FCHSD1: variants seen among roughly 807,000 people sequenced by gnomAD.
FCHSD1 encodes F-BAR and double SH3 domains protein 1.
Under a neutral mutation model 101.3 loss-of-function variants are expected in FCHSD1, and 109 were observed. The observed-to-expected ratio is 1.08, with a 90% confidence interval of 0.92 to 1.26. The LOEUF is 1.26. Among genes scored for constraint, FCHSD1 ranks in the 50% most tolerant of loss-of-function variants. FCHSD1 has a pLI of 0.00. For synonymous variants in FCHSD1, 291 were observed against 356.8 expected (o/e 0.82, Z 2.08); for missense variants, 820 against 895.8 (o/e 0.92, Z 1.08).
Position 141,645,088 on chromosome 5 carries a change from CCT to C in FCHSD1, c.1370_1371del (p.Glu457GlyfsTer27). ...EECEETGELFEEPAPQALATR... is the reference protein window; with the variant it reads ...EECEETGELFXEPAPQALATR... ...GTGGCCAGGGCTTGGGGGGCAGGCTCCTCAAAGAGCTCTCCCGTCTCCTCACA... is the reference window on the plus strand; with the variant it reads ...GTGGCCAGGGCTTGGGGGGCAGGCTCCAAAGAGCTCTCCCGTCTCCTCACA... On this transcript the variant is annotated frameshift_variant, in exon 14 of 20. Transcript: ENST00000435817. LOFTEE classifies it high-confidence loss of function. The C allele has an allele frequency of 6.3e-7, 1 of 1,586,566 alleles. No individual in the cohort carries two copies. The highest frequency in any genetic ancestry group is 2.2e-5 in the East Asian group (1 of 44,642).
chr5:141,644,319 A>G lies in FCHSD1; in HGVS notation c.1762T>C (p.Trp588Arg), dbSNP rs2099907386. ...RAQDGVDDGF[W>R]RGEFGGRVGV... ...ACACGGCCCCCAAATTCTCCCCTCC[A>G]GAAGCCGTCATCTACTCCATCTTGG... Residue 588 changes from tryptophan to arginine, a missense_variant, in exon 17 of 20, where the codon TGG (tryptophan) becomes CGG (arginine). Trp to Arg is a moderately radical substitution (Grantham distance 101). Transcript: ENST00000435817. 3 of 1,613,910 alleles carry G rather than the reference A, an allele frequency of 1.9e-6. No homozygotes were observed. The highest frequency in any genetic ancestry group is 1.7e-6 in the Non-Finnish European group (2 of 1,179,850).
chr5:141,647,927 C>G (rs187589029), intron 8 of FCHSD1, 41 bp downstream of exon 8: 1 of 1,602,378 alleles, frequency 6.2e-7, no homozygotes, highest in Non-Finnish European at 8.5e-7. Context: ...TCCTCCTTTC[C>G]CTCCCTGCTG....
chr5:141,649,550 G>A lies in FCHSD1; in HGVS notation c.234-14C>T. 7 of 1,608,642 alleles carry A rather than the reference G, an allele frequency of 4.4e-6. No homozygotes were observed. The highest frequency in any genetic ancestry group is 5.9e-6 in the Non-Finnish European group (7 of 1,178,344). On this transcript the variant is annotated splice_polypyrimidine_tract_variant and intron_variant, in intron 4 of 19. Transcript: ENST00000435817. The surrounding 1 kb of genome is among the most constrained non-coding windows in gnomAD (Gnocchi z 4.1). ...ACTGTCCTGCCCCTCCCCAGAGAAG[G>A]TCTGTGTTGAGGAGGAGAGCACTCC...
chr5:141,649,471 C>T lies in FCHSD1; in HGVS notation c.299G>A (p.Arg100Gln), dbSNP rs762942642. 50 of 1,613,776 alleles carry T rather than the reference C, an allele frequency of 3.1e-5. No homozygotes were observed. Among genetic ancestry groups the T allele is most frequent in the Middle Eastern group, 1.6e-4 (1 of 6,084 alleles). Residue 100 changes from arginine (R) to glutamine (Q), a missense_variant, in exon 5 of 20, where the codon CGA (arginine) becomes CAA (glutamine). By Grantham distance (43) the Arg-to-Gln change is conservative. Transcript: ENST00000435817. This position sits in a 1 kb window ranked among gnomAD's most constrained non-coding sequence, Gnocchi z 4.1. ...LDATVAGGQT[R>Q]LQASDRYRDL... is the part of the protein sequence containing the mutation. ...ACGGTATCGGTCAGACGCCTGGAGT[C>T]GGGTTTGGCCCCCAGCCACGGTGGC...
Position 141,644,845 on chromosome 5 carries a change from G to A in FCHSD1, c.1524+14C>T. 1 of 1,612,842 alleles carries A rather than the reference G, an allele frequency of 6.2e-7. No homozygotes were observed. Among genetic ancestry groups the A allele is most frequent in the Non-Finnish European group, 8.5e-7 (1 of 1,179,556 alleles). On this transcript the variant is annotated intron_variant, in intron 15 of 19. Coordinates refer to ENST00000435817, the MANE Select transcript of FCHSD1 (RefSeq NM_033449.3). Reference sequence around the variant, plus strand: ...CCCCCAACCCAAGGTCAGAGCCCGGGGTCCCATACCCACCTTGACCCATTC... The same window carrying A: ...CCCCCAACCCAAGGTCAGAGCCCGGAGTCCCATACCCACCTTGACCCATTC...
At chr5:141,647,784 T>A in intron 8 of FCHSD1, 184 bp downstream of exon 8, 2 of 1,011,582 alleles carry the variant, frequency 2.0e-6, no homozygotes, top group Non-Finnish European at 1.4e-6. Context: ...CGGAAGAGTT[T>A]AAGTGTACTG....
intron 15 of FCHSD1, 41 bp downstream of exon 15, chr5:141,644,818 T>G (rs1596461941): frequency 1.9e-6 from 3 of 1,608,758 alleles, no homozygotes; most frequent in African/African-American, 1.3e-5. Flanking sequence ...TCCCTCCTAC[T>G]GCCCCCAACC....
chr5:141,640,356 G>C lies in FCHSD1; in HGVS notation c.*1142C>G, dbSNP rs1283381100. 5 of 1,614,086 alleles carry C rather than the reference G, an allele frequency of 3.1e-6. No homozygotes were observed. Among genetic ancestry groups the C allele is most frequent in the Admixed American group, 1.7e-5 (1 of 60,024 alleles). Reference sequence around the variant, plus strand: ...CTCTTATTGCTCTCTACTCTGGGGGGCACTGATAGGACCTACTCCTGGTCT... The same window carrying C: ...CTCTTATTGCTCTCTACTCTGGGGGCCACTGATAGGACCTACTCCTGGTCT... On this transcript the variant is annotated 3_prime_UTR_variant, in exon 20 of 20. Coordinates refer to ENST00000435817, the MANE Select transcript of FCHSD1 (RefSeq NM_033449.3).
At chr5:141,648,188 C>A in intron 7 of FCHSD1, 92 bp from the exon 8 acceptor site, 8 of 1,451,606 alleles carry the variant, frequency 5.5e-6, no homozygotes, top group Non-Finnish European at 6.5e-6. Context: ...TGGATTCTCA[C>A]ATTATTGAGT....
chr5:141,640,947 G>A lies in FCHSD1; in HGVS notation c.*551C>T. 2.0e-6 allele frequency: 1 copy of A among 507,236 alleles called. No homozygotes were observed. Among genetic ancestry groups the A allele is most frequent in the Non-Finnish European group, 3.5e-6 (1 of 287,974 alleles). The allele number at this position is 507,236 out of a possible 1,614,324, so 31.4% of individuals were successfully genotyped here. A position where few individuals can be genotyped will look rare whatever the true frequency, so the allele number is the denominator to read the frequency against. ...CAGCTGGGAGCAGGCCCCTGCCCGTGGTGGGCCCCTAAAGCAATAGCACCG... is the reference window on the plus strand; with the variant it reads ...CAGCTGGGAGCAGGCCCCTGCCCGTAGTGGGCCCCTAAAGCAATAGCACCG... On this transcript the variant is annotated 3_prime_UTR_variant, in exon 20 of 20. Transcript: ENST00000435817.
intron 10 of FCHSD1, among the ~76,000 whole-genome samples, 170 bp downstream of exon 10, chr5:141,646,965 G>C (rs992940452): frequency 1.3e-5 from 2 of 152,212 alleles, no homozygotes; most frequent in African/African-American, 4.8e-5. Flanking sequence ...GGTGGACTGA[G>C]GTGTGTTTTT....
chr5:141,640,837 C>A lies in FCHSD1; in HGVS notation c.*661G>T. On this transcript the variant is annotated 3_prime_UTR_variant, in exon 20 of 20. Coordinates refer to ENST00000435817, the MANE Select transcript of FCHSD1 (RefSeq NM_033449.3). ...TGGGGGCCTCAGGAGAGGTCACAGC[C>A]CCTCAGTCTCTTCTCCTTCCCCTGC... The A allele has an allele frequency of 1.6e-6, 1 of 640,296 alleles. No homozygotes were observed. The highest frequency in any genetic ancestry group is 2.7e-6 in the Non-Finnish European group (1 of 376,748). The allele number at this position is 640,296 out of a possible 1,614,324, so 39.7% of individuals were successfully genotyped here.
At position 141,644,576 on chromosome 5, in the gene FCHSD1, T is replaced by A. The variant is rs776530685; in HGVS notation, c.1639A>T (p.Thr547Ser). ...ACCCAAAATTTCCCTTTCTTACCTG[T>A]GGGCTCTGCCCCGCAGGGATTGTCA... ...DSDNPCGAEP[T>S]AFLAQALYSY... The change falls in exon 16 of 20, where the codon ACA becomes TCA. Residue 547 changes from threonine to serine, a missense_variant. Coordinates refer to ENST00000435817, the MANE Select transcript of FCHSD1 (RefSeq NM_033449.3). The A allele has an allele frequency of 6.2e-7, 1 of 1,613,846 alleles. No homozygotes were observed. Among genetic ancestry groups the A allele is most frequent in the Non-Finnish European group, 8.5e-7 (1 of 1,179,792 alleles).
intron 17 of FCHSD1, 131 bp from the exon 18 acceptor site, chr5:141,643,219 T>TG (rs10699129): frequency 7.1e-5 from 40 of 565,640 alleles, no homozygotes; most frequent in Middle Eastern, 5.0e-4. Context: ...TTGCATTCGG[T>TG]GGGGGGGTGT....
chr5:141,648,805 G>T (rs1279053248), intron 7 of FCHSD1, among the ~76,000 whole-genome samples, 152 bp downstream of exon 7: 1 of 152,092 alleles, frequency 6.6e-6, no homozygotes, highest in Non-Finnish European at 1.5e-5. Flanking sequence ...AAGGCTCACA[G>T]AGATCAAGTA....
rs1047616706 is a variant in FCHSD1, at chr5:141,651,417, G to A, written c.-49C>T. 26 of 1,549,032 alleles carry A rather than the reference G, an allele frequency of 1.7e-5. No homozygotes were observed. The highest frequency in any genetic ancestry group is 2.1e-5 in the Non-Finnish European group (24 of 1,146,286). ...CCACTGGACTCCGGAACTGGAGGAAGCCCCGCCCACTATGGAGCCCCGCCC... is the reference window on the plus strand; with the variant it reads ...CCACTGGACTCCGGAACTGGAGGAAACCCCGCCCACTATGGAGCCCCGCCC... On this transcript the variant is annotated 5_prime_UTR_variant, in exon 1 of 20. Transcript: ENST00000435817.
rs2099906730 is a variant in FCHSD1, at chr5:141,640,505, T to G, written c.*993A>C. ...ATCTTCCCATCACCTACTTAAACTA[T>G]TTAAGCCTTTCGGCTCCCTGAACCC... On this transcript the variant is annotated 3_prime_UTR_variant, in exon 20 of 20. Transcript: ENST00000435817. 6.2e-7 allele frequency: 1 copy of G among 1,613,482 alleles called. No homozygotes were observed. The highest frequency in any genetic ancestry group is 1.3e-5 in the African/African-American group (1 of 74,922).
At chr5:141,642,196 G>A in intron 18 of FCHSD1, 1 of 534,398 alleles carries the variant, frequency 1.9e-6, no homozygotes, top group South Asian at 2.4e-5. Context: ...CATGTCCTCT[G>A]CAGCAACATG....
rs1477486373 is a variant in FCHSD1 at position 141,639,495 on chromosome 5, G to A, written c.*2003C>T. 2 of 1,613,664 alleles carry A rather than the reference G, an allele frequency of 1.2e-6. No homozygotes were observed. The highest frequency in any genetic ancestry group is 3.3e-5 in the Admixed American group (2 of 59,974). ...TGCCACCTCCAGCCTGCAGGACGGA[G>A]CCCCCTCCCATCATCACACAGTGCA... On this transcript the variant is annotated 3_prime_UTR_variant, in exon 20 of 20. Coordinates refer to ENST00000435817, the MANE Select transcript of FCHSD1 (RefSeq NM_033449.3). The surrounding 1 kb of genome is among the most constrained non-coding windows in gnomAD (Gnocchi z 4.4).
Sources: gnomAD v4.1 joint callset for allele counts (sites outside exome capture counted in the v4.1 genomes callset) on GRCh38, gnomAD v4.1.1 for gene constraint, Gnocchi (gnomAD v3.1) non-coding constraint, MANE v1.5 for transcripts, NCBI Gene and HGNC (gene_info 2026-07-23, HGNC 2026-07-21) for gene names.